Variants in SLIT1 observed in about 807,000 individuals in gnomAD.
The protein encoded by SLIT1 is slit guidance ligand 1.
Under a neutral mutation model 186.1 loss-of-function variants are expected in SLIT1, and 66 were observed. The ratio of observed to expected loss-of-function variants is 0.35; its 90% CI spans 0.29 to 0.44. The LOEUF is 0.44. Among genes scored for constraint, SLIT1 ranks in the 20% least tolerant of loss-of-function variants. SLIT1 has a pLI of 1.00. For missense variants in SLIT1, 1,638 were observed against 2,037.4 expected (o/e 0.80, Z 3.77); for synonymous variants, 761 against 833.8 (o/e 0.91, Z 1.50).
At chr10:97,130,563 C>T (rs950011325) in intron 4 of SLIT1, among the ~76,000 whole-genome samples, 6 of 152,156 alleles carry the variant, frequency 3.9e-5, no homozygotes, top group Non-Finnish European at 5.9e-5. Flanking sequence ...GTCAAATTCA[C>T]GGAAACAGAA....
chr10:97,065,623 A>ATGTTCAC (rs1347571950), intron 5 of SLIT1: 109 of 194,130 alleles, frequency 5.6e-4, no homozygotes, highest in East Asian at 3.8e-3. Context: ...AGGCTCAGCG[A>ATGTTCAC]TGTTCACTGA....
chr10:97,004,968 G>T lies in SLIT1; in HGVS notation c.3580-145C>A. 1.1e-6 allele frequency: 1 copy of T among 942,070 alleles called. No individual in the cohort carries two copies. Among genetic ancestry groups the T allele is most frequent in the Non-Finnish European group, 1.6e-6 (1 of 619,026 alleles). The allele number at this position is 942,070 out of a possible 1,614,324, so 58.4% of individuals were successfully genotyped here. On this transcript the variant is annotated intron_variant, in intron 32 of 36. Transcript: ENST00000266058. This position sits in a 1 kb window ranked among gnomAD's most constrained non-coding sequence, Gnocchi z 5.1. ...CCCCCACCTGGCCAGCCTCCCCAAG[G>T]CCATTCCTCCAGGGGGCACCAATAG...
chr10:97,012,130 GCA>G (rs1253574888), intron 30 of SLIT1, among the ~76,000 whole-genome samples: 5 of 83,860 alleles, frequency 6.0e-5, no homozygotes, highest in Admixed American at 1.2e-4. Context: ...ACACACACAC[GCA>G]CACATTCGAA....
In SLIT1 at chr10:97,002,029, C is replaced by T. The variant is rs1025607445; in HGVS notation, c.4366+129G>A. 3.0e-5 allele frequency: 16 copies of T among 540,236 alleles called. 1 individual carries two copies. The highest frequency in any genetic ancestry group is 4.1e-5 in the Non-Finnish European group (13 of 319,828). 33.5% of individuals were successfully genotyped at this position (540,236 alleles called of 1,614,324 possible). ...CAGAGGGTGGAGGGACTCTGAAAGC[C>T]CCATAGTAGCCCATGGTACAGGGCT... On this transcript the variant is annotated intron_variant, in intron 36 of 36. Transcript: ENST00000266058.
chr10:97,011,832 G>T (rs1183374244), intron 30 of SLIT1, among the ~76,000 whole-genome samples: 1 of 152,068 alleles, frequency 6.6e-6, no homozygotes, highest in African/African-American at 2.4e-5. Flanking sequence ...CACACCTGTG[G>T]ATTCCAGAAT....
Position 97,056,464 on chromosome 10 carries a change from C to A in SLIT1, c.1158G>T (p.Leu386=), listed in dbSNP as rs1411475609. 9 of 1,614,004 alleles carry A rather than the reference C, an allele frequency of 5.6e-6. No individual in the cohort carries two copies. Among genetic ancestry groups the A allele is most frequent in the South Asian group, 1.1e-5 (1 of 91,058 alleles). The change falls in exon 13 of 37, where the codon CTG becomes CTT. Residue 386 remains leucine (L), a splice_region_variant and synonymous_variant. Coordinates refer to ENST00000266058, the MANE Select transcript of SLIT1 (RefSeq NM_003061.3). ...VFGGLYTLQL[L]LLNANKINCI... is the part of the protein sequence containing the mutation. ...AGTTGATCTTGTTGGCATTCAGGAGCCTGTGGGCAGAGCCAGGACCAAGTG... is the reference window on the plus strand; with the variant it reads ...AGTTGATCTTGTTGGCATTCAGGAGACTGTGGGCAGAGCCAGGACCAAGTG...
chr10:97,185,299 G>A (rs149960028), intron 1 of SLIT1, among the ~76,000 whole-genome samples, 179 bp downstream of exon 1: 409 of 152,150 alleles, frequency 2.7e-3, no homozygotes, highest in Non-Finnish European at 4.7e-3. Context: ...CAGGGATGGG[G>A]AAACCACGGC....
rs569641117 is a variant in SLIT1 at position 97,043,598 on chromosome 10, C to T, written c.1854-85G>A. The T allele has an allele frequency of 1.5e-5, 20 of 1,317,710 alleles. No homozygotes were observed. The East Asian group carries it at 4.4e-4, about 29-fold the overall frequency. 81.6% of individuals were successfully genotyped at this position (1,317,710 alleles called of 1,614,324 possible). A position where few individuals can be genotyped will look rare whatever the true frequency, so the allele number is the denominator to read the frequency against. Reference sequence around the variant, plus strand: ...GGCCACGCAGCTTCCGCCATCGTGGCTCGTTCACAGTTCTCCTCCATAGGC... The same window carrying T: ...GGCCACGCAGCTTCCGCCATCGTGGTTCGTTCACAGTTCTCCTCCATAGGC... On this transcript the variant is annotated intron_variant, in intron 18 of 36. Transcript: ENST00000266058. The surrounding 1 kb of genome is among the most constrained non-coding windows in gnomAD (Gnocchi z 7.0).
chr10:97,087,907 T>C (rs542885310), intron 4 of SLIT1, among the ~76,000 whole-genome samples: 305 of 151,906 alleles, frequency 2.0e-3, no homozygotes, highest in African/African-American at 4.6e-3. Flanking sequence ...TACCCAAAGT[T>C]TGCTAAGAAA....
chr10:97,021,136 CCT>C lies in SLIT1; in HGVS notation c.2746+112_2746+113del, dbSNP rs1484462147. The C allele has an allele frequency of 1.9e-6, 2 of 1,044,414 alleles. No homozygotes were observed. The highest frequency in any genetic ancestry group is 2.7e-6 in the Non-Finnish European group (2 of 733,126). 64.7% of individuals were successfully genotyped at this position (1,044,414 alleles called of 1,614,324 possible). A position where few individuals can be genotyped will look rare whatever the true frequency, so the allele number is the denominator to read the frequency against. The stretch of plus-strand genomic sequence containing the variant: ...AGCCGCAGGTGCCTTGTTCCTGTCC[CCT>C]GACCCCCCGCCCAGCGGTCACCACA... On this transcript the variant is annotated intron_variant, in intron 26 of 36. Transcript: ENST00000266058. This position sits in a 1 kb window ranked among gnomAD's most constrained non-coding sequence, Gnocchi z 4.5.
chr10:97,064,752 C>A, intron 6 of SLIT1, 53 bp downstream of exon 6: 1 of 1,404,168 alleles, frequency 7.1e-7, no homozygotes, highest in South Asian at 1.3e-5. Flanking sequence ...GCACTTGGCA[C>A]CTGCCTAGCA....
intron 8 of SLIT1, among the ~76,000 whole-genome samples, chr10:97,063,190 C>T (rs914373676): frequency 5.3e-5 from 8 of 151,728 alleles, no homozygotes; most frequent in African/African-American, 1.9e-4. Context: ...CATGCAGAGA[C>T]AAATGCCATG....
chr10:97,040,913 T>G (rs1848685031), intron 20 of SLIT1, among the ~76,000 whole-genome samples: 1 of 152,110 alleles, frequency 6.6e-6, no homozygotes, highest in Non-Finnish European at 1.5e-5. Flanking sequence ...TGACCATCAG[T>G]TATGCAGGTC....
At chr10:97,182,652 C>G (rs1850355100) in intron 1 of SLIT1, among the ~76,000 whole-genome samples, 1 of 152,232 alleles carries the variant, frequency 6.6e-6, no homozygotes, top group African/African-American at 2.4e-5. Context: ...CTAGGAAGTT[C>G]CCAGAGGAAA....
intron 8 of SLIT1, 132 bp downstream of exon 8, chr10:97,063,323 G>A: frequency 1.1e-6 from 1 of 939,242 alleles, no homozygotes; most frequent in Non-Finnish European, 1.7e-6. Context: ...GAGGTGATGG[G>A]TGGGGCCAGG....
rs568665920 is a variant in SLIT1 at position 97,004,353 on chromosome 10, G to A, written c.3711-131C>T. On this transcript the variant is annotated intron_variant, in intron 33 of 36. Coordinates refer to ENST00000266058, the MANE Select transcript of SLIT1 (RefSeq NM_003061.3). The surrounding 1 kb of genome is among the most constrained non-coding windows in gnomAD (Gnocchi z 5.1). ...AATATCTAAGGAAAAGGACTGTGGG[G>A]GCTCAAGGGTCTATCGCATGATCCC... The A allele has an allele frequency of 8.9e-6, 8 of 901,632 alleles. No individual in the cohort carries two copies. The highest frequency in any genetic ancestry group is 3.4e-4 in the Middle Eastern group (1 of 2,926). 55.9% of individuals were successfully genotyped at this position (901,632 alleles called of 1,614,324 possible). A position where few individuals can be genotyped will look rare whatever the true frequency, so the allele number is the denominator to read the frequency against.
In SLIT1 at chr10:97,047,939, G is replaced by T. The variant is rs368075112; in HGVS notation, c.1489+34C>A. The T allele has an allele frequency of 5.0e-6, 8 of 1,613,642 alleles. No homozygotes were observed. The East Asian group carries it at 1.6e-4, about 31-fold the overall frequency. On this transcript the variant is annotated intron_variant, in intron 15 of 36. Coordinates refer to ENST00000266058, the MANE Select transcript of SLIT1 (RefSeq NM_003061.3). ...CTGCCCACCCACTACCACCATTCCCGCCAGGCTGGCCTTGGATCCCCCCAC... is the reference window on the plus strand; with the variant it reads ...CTGCCCACCCACTACCACCATTCCCTCCAGGCTGGCCTTGGATCCCCCCAC...
intron 25 of SLIT1, among the ~76,000 whole-genome samples, chr10:97,026,656 G>A (rs1848548730): frequency 6.6e-6 from 1 of 152,154 alleles, no homozygotes; most frequent in Admixed American, 6.5e-5. Flanking sequence ...GCAACAAAAT[G>A]CCAGAGTATA....
At chr10:97,120,717 G>C (rs7081718) in intron 4 of SLIT1, among the ~76,000 whole-genome samples, 50,529 of 152,052 alleles carry the variant, frequency 0.33, 9,653 homozygotes, top group African/African-American at 0.53. Flanking sequence ...GAAGAGTTCA[G>C]CACAGTGCTT....
Sources: gnomAD v4.1 joint callset for allele counts (sites outside exome capture counted in the v4.1 genomes callset) on GRCh38, gnomAD v4.1.1 for gene constraint, Gnocchi (gnomAD v3.1) non-coding constraint, MANE v1.5 for transcripts, NCBI Gene and HGNC (gene_info 2026-07-23, HGNC 2026-07-21) for gene names.